ANK1: variants seen among roughly 807,000 people sequenced by gnomAD.
ANK1 encodes ankyrin-1.
A neutral mutation model predicts 210.4 loss-of-function variants in ANK1; 51 were observed. The observed-to-expected ratio is 0.24, with a 90% confidence interval of 0.19 to 0.31. The LOEUF (loss-of-function observed/expected upper bound fraction) is 0.31, where lower values mean the gene tolerates loss of function less well. Among genes scored for constraint, ANK1 ranks in the 10% least tolerant of loss-of-function variants. The pLI is 1.00. For missense variants in ANK1, 2,051 were observed against 2,504.4 expected, an observed-to-expected ratio of 0.82 and a Z score of 3.86; for synonymous variants, 967 against 1,025.9, an observed-to-expected ratio of 0.94 and a Z score of 1.10.
chr8:41,863,622 C>T (rs994236112), intron 1 of ANK1, among the ~76,000 whole-genome samples: 26 of 152,140 alleles, frequency 1.7e-4, no homozygotes, highest in African/African-American at 6.3e-4. Flanking sequence ...AGCATTGTTG[C>T]TTTGGGTTGG....
chr8:41,874,041 C>A (rs1190929150), intron 1 of ANK1, among the ~76,000 whole-genome samples: 4 of 152,236 alleles, frequency 2.6e-5, no homozygotes, highest in Non-Finnish European at 5.9e-5. Context: ...AGCACACATG[C>A]ACACACAGAC....
intron 33 of ANK1, among the ~76,000 whole-genome samples, chr8:41,688,863 G>A (rs181265567): frequency 6.6e-5 from 10 of 152,152 alleles, no homozygotes; most frequent in Non-Finnish European, 1.2e-4. Flanking sequence ...TAATGTTCAC[G>A]GCAACCTAAG....
intron 3 of ANK1, among the ~76,000 whole-genome samples, chr8:41,731,462 C>T (rs1202990719): frequency 1.3e-5 from 2 of 152,260 alleles, no homozygotes; most frequent in African/African-American, 2.4e-5. Flanking sequence ...TGCTGAGCTC[C>T]AGTCTCTAAG....
At chr8:41,735,307 G>A (rs1833150150) in intron 2 of ANK1, among the ~76,000 whole-genome samples, 1 of 152,170 alleles carries the variant, frequency 6.6e-6, no homozygotes, top group Admixed American at 6.5e-5. Context: ...GTCGATCTTG[G>A]CTCCGTACAG....
At chr8:41,698,170 C>T (rs760085799) in intron 23 of ANK1, 49 bp from the exon 24 acceptor site, 6 of 1,582,942 alleles carry the variant, frequency 3.8e-6, no homozygotes, top group Admixed American at 3.3e-5. Flanking sequence ...CACATGTGCA[C>T]ACAGCTCCTC....
intron 1 of ANK1, among the ~76,000 whole-genome samples, chr8:41,860,904 T>C (rs1004168712): frequency 4.6e-5 from 7 of 152,218 alleles, no homozygotes; most frequent in Non-Finnish European, 7.3e-5. Flanking sequence ...TGCAAAGAGC[T>C]GGCCAAATGT....
intron 42 of ANK1, among the ~76,000 whole-genome samples, chr8:41,659,817 C>T (rs1459791553): frequency 6.6e-6 from 1 of 151,758 alleles, no homozygotes; most frequent in Non-Finnish European, 1.5e-5. Context: ...TGGTCCGGTC[C>T]TTAATCACCT....
At chr8:41,828,461 T>A (rs1350069788) in intron 1 of ANK1, 1 of 154,156 alleles carries the variant, frequency 6.5e-6, no homozygotes, top group East Asian at 1.9e-4. Context: ...GAATTACAGA[T>A]CCCGTCTGTG....
At position 41,714,252 on chromosome 8, in the gene ANK1, A is replaced by T; in HGVS notation, c.1704T>A (p.Asn568Lys). 4.5e-6 allele frequency: 7 copies of T among 1,539,102 alleles called. No individual in the cohort carries two copies. The highest frequency in any genetic ancestry group is 3.6e-5 in the Admixed American group (2 of 54,982). Residue 568 changes from asparagine (N) to lysine (K), a missense_variant and splice_region_variant, in exon 16 of 43, where the codon AAT becomes AAA. Coordinates refer to ENST00000289734, the MANE Select transcript of ANK1 (RefSeq NM_000037.4). ...RDAHPNAAGK[N>K]GLTPLHVAVH... is the part of the protein sequence containing the mutation. ...CGGCCACGTGCAGGGGGGTCAGGCC[A>T]TTCTGCAGGGGACAAAGACAAAAGA...
rs532916645 is a variant in ANK1, at chr8:41,869,234, C to T, written c.126+27121G>A. On this transcript the variant is annotated intron_variant, in intron 1 of 42. Coordinates refer to the ANK1 transcript ENST00000265709. ...CCTTTCCATCTCTGATGTTCTGACT[C>T]AGGACTGGCAGGAGCCCGTTGCCCT... Among the ~76,000 whole-genome samples, 10 of 152,292 alleles carry T rather than the reference C, an allele frequency of 6.6e-5. No individual in the cohort carries two copies. In the East Asian group the frequency reaches 1.5e-3, roughly 24 times the overall value.
At chr8:41,745,172 G>C (rs998940010) in intron 2 of ANK1, among the ~76,000 whole-genome samples, 1 of 152,098 alleles carries the variant, frequency 6.6e-6, no homozygotes, top group Non-Finnish European at 1.5e-5. Context: ...AAGAAGGGGC[G>C]GGGAGATGTG....
At chr8:41,671,275 G>T (rs1022336607) in intron 38 of ANK1, among the ~76,000 whole-genome samples, 1 of 152,182 alleles carries the variant, frequency 6.6e-6, no homozygotes, top group Non-Finnish European at 1.5e-5. Flanking sequence ...CCTTCAAAGG[G>T]GGTAAGTGGG....
chr8:41,768,043 ACGCTGG>A lies in ANK1; in HGVS notation c.28-9912_28-9907del, dbSNP rs1444857902. Among the ~76,000 whole-genome samples, 4 of 152,298 alleles carry A rather than the reference ACGCTGG, an allele frequency of 2.6e-5. No individual in the cohort carries two copies. In the East Asian group the frequency reaches 7.7e-4, roughly 29 times the overall value. On this transcript the variant is annotated intron_variant, in intron 1 of 42. Transcript: ENST00000289734. Reference sequence around the variant, plus strand: ...CCCCGCTGCCTCCCGCACTGCTCTGACGCTGGCGGTTAACTAGCGTCACCCGAGGCT... The same window carrying A: ...CCCCGCTGCCTCCCGCACTGCTCTGACGGTTAACTAGCGTCACCCGAGGCT...
At chr8:41,892,316 C>A (rs1270490460) in intron 1 of ANK1, among the ~76,000 whole-genome samples, 1 of 152,136 alleles carries the variant, frequency 6.6e-6, no homozygotes, top group Admixed American at 6.5e-5. Flanking sequence ...AGCAGGGCCT[C>A]CTCCTGCTGA....
At chr8:41,668,086 C>T (rs568045700) in intron 39 of ANK1, among the ~76,000 whole-genome samples, 181 bp downstream of exon 39, 5 of 152,358 alleles carry the variant, frequency 3.3e-5, no homozygotes, top group African/African-American at 9.6e-5. Context: ...AGCAGGGATC[C>T]AGGAGGCAGA....
intron 1 of ANK1, among the ~76,000 whole-genome samples, chr8:41,813,640 G>T (rs1802823433): frequency 1.3e-5 from 2 of 152,172 alleles, no homozygotes; most frequent in Admixed American, 6.5e-5. Flanking sequence ...TTTGAAGTCT[G>T]TTTTGCTAGA....
Position 41,797,589 on chromosome 8 carries a change from A to T in ANK1, c.-51T>A. On this transcript the variant is annotated 5_prime_UTR_variant, in exon 1 of 43. Coordinates refer to ENST00000289734, the MANE Select transcript of ANK1 (RefSeq NM_000037.4). The surrounding 1 kb of genome is among the most constrained non-coding windows in gnomAD (Gnocchi z 4.0). ...GAAGGGCCTTGGGGGCTTGAGGAGG[A>T]GCAGCTGGGGCTGGCGGACTCACCG... The T allele has an allele frequency of 1.2e-6, 2 of 1,610,460 alleles. No individual in the cohort carries two copies. The highest frequency in any genetic ancestry group is 1.7e-6 in the Non-Finnish European group (2 of 1,179,060).
Position 41,699,529 on chromosome 8 carries a change from G to A in ANK1, c.2481C>T (p.Phe827=), listed in dbSNP as rs754908274. The A allele has an allele frequency of 6.2e-7, 1 of 1,614,148 alleles. No individual in the cohort carries two copies. The highest frequency in any genetic ancestry group is 8.5e-7 in the Non-Finnish European group (1 of 1,180,016). Residue 827 remains phenylalanine (F), a synonymous_variant, in exon 23 of 43, where the codon TTC becomes TTT. Coordinates refer to ENST00000289734, the MANE Select transcript of ANK1 (RefSeq NM_000037.4). ...SEDEGEELIS[F]KAERRDSRDV... ...CCCTGGAATCCCGCCTCTCAGCCTT[G>A]AAGCTGATGAGTTCTTCCCCTGAAA... is the stretch of plus-strand genomic sequence containing the variant.
chr8:41,724,814 CAA>C (rs1830257839), intron 6 of ANK1, among the ~76,000 whole-genome samples: 1 of 152,110 alleles, frequency 6.6e-6, no homozygotes, highest in African/African-American at 2.4e-5. Flanking sequence ...TGATCACCGA[CAA>C]AGAGATTTTC....
Sources: gnomAD v4.1 joint callset for allele counts (sites outside exome capture counted in the v4.1 genomes callset) on GRCh38, gnomAD v4.1.1 for gene constraint, Gnocchi (gnomAD v3.1) non-coding constraint, MANE v1.5 for transcripts, NCBI Gene and HGNC (gene_info 2026-07-23, HGNC 2026-07-21) for gene names.